WDR36: variants seen among roughly 807,000 people sequenced by gnomAD.
WDR36 encodes the protein WD repeat domain 36.
In WDR36, 63 loss-of-function variants were observed where a neutral mutation model predicts 112.7. The observed-to-expected ratio is 0.56, with a 90% confidence interval of 0.46 to 0.69. The LOEUF is 0.69. Among genes scored for constraint, WDR36 ranks in the 30% least tolerant of loss-of-function variants. The pLI is 0.00. For missense variants in WDR36, 1,226 were observed against 1,070.3 expected (o/e 1.15, Z -2.03); for synonymous variants, 410 against 362.2 (o/e 1.13, Z -1.50).
intron 3 of WDR36, among the ~76,000 whole-genome samples, chr5:111,098,333 A>G (rs191224565): frequency 6.6e-6 from 1 of 152,296 alleles, no homozygotes; most frequent in African/African-American, 2.4e-5. Context: ...TCTGAAAGCC[A>G]GTTGGTGATG....
At chr5:111,103,663 C>G in intron 6 of WDR36, 123 bp from the exon 7 acceptor site, 1 of 1,259,830 alleles carries the variant, frequency 7.9e-7, no homozygotes, top group African/African-American at 1.5e-5. Flanking sequence ...CTGAGTTTTT[C>G]TGCCATCTTT....
At chr5:111,096,886 C>T (rs1580389784) in intron 2 of WDR36, 193 bp from the exon 3 acceptor site, 1 of 481,352 alleles carries the variant, frequency 2.1e-6, no homozygotes. Context: ...AGGTGATTTC[C>T]TATCCTTAGT....
At position 111,097,097 on chromosome 5, in the gene WDR36, A is replaced by T; in HGVS notation, c.209A>T (p.Asp70Val). The T allele has an allele frequency of 6.2e-7, 1 of 1,613,274 alleles. No homozygotes were observed. The highest frequency in any genetic ancestry group is 8.5e-7 in the Non-Finnish European group (1 of 1,179,358). Residue 70 changes from aspartate (D) to valine (V), a missense_variant, in exon 3 of 23, where the codon GAT becomes GTT. Transcript: ENST00000513710. Reference protein sequence around the residue: ...LVAVSNSVPQDICCMAADGRL... With the variant: ...LVAVSNSVPQVICCMAADGRL... ...CTGCTAGGTAATTCTGTTCCACAGG[A>T]TATCTGCTGTATGGCAGCTGATGGC... is the stretch of plus-strand genomic sequence containing the variant.
intron 3 of WDR36, among the ~76,000 whole-genome samples, chr5:111,097,556 T>C (rs1382783640): frequency 6.6e-6 from 1 of 152,248 alleles, no homozygotes; most frequent in Non-Finnish European, 1.5e-5. Flanking sequence ...ACCACCACTT[T>C]ATGTGGATTG....
At chr5:111,123,736 T>G in intron 19 of WDR36, 69 bp from the exon 20 acceptor site, 1 of 1,580,504 alleles carries the variant, frequency 6.3e-7, no homozygotes, top group South Asian at 1.1e-5. Flanking sequence ...TAAAATTGAT[T>G]TGAAATTAAA....
chr5:111,124,774 A>C (rs1305594431), intron 21 of WDR36, among the ~76,000 whole-genome samples: 4 of 152,170 alleles, frequency 2.6e-5, no homozygotes, highest in Non-Finnish European at 4.4e-5. Context: ...TTTTGATTCA[A>C]ATGCTTTTGT....
Position 111,123,942 on chromosome 5 carries a change from A to G in WDR36, c.2268+18A>G. On this transcript the variant is annotated intron_variant, in intron 20 of 22. Transcript: ENST00000513710. ...CCCAGCAGGTAAAAAACAAATTAGAAGATTCTAAGTATATCGGTGTATGTT... is the reference window on the plus strand; with the variant it reads ...CCCAGCAGGTAAAAAACAAATTAGAGGATTCTAAGTATATCGGTGTATGTT... 1.9e-6 allele frequency: 3 copies of G among 1,613,286 alleles called. No homozygotes were observed. Among genetic ancestry groups the G allele is most frequent in the South Asian group, 1.1e-5 (1 of 91,076 alleles).
chr5:111,111,786 T>C (rs796569106), intron 15 of WDR36, among the ~76,000 whole-genome samples: 9 of 151,974 alleles, frequency 5.9e-5, no homozygotes, highest in African/African-American at 2.2e-4. Context: ...ATATATGATA[T>C]GGAAAGAAGT....
intron 2 of WDR36, 86 bp from the exon 3 acceptor site, chr5:111,096,993 G>A: frequency 1.2e-6 from 1 of 855,772 alleles, no homozygotes; most frequent in South Asian, 1.5e-5. Flanking sequence ...TTAAATTATA[G>A]CCATGAAAAA....
chr5:111,108,981 C>A (rs1753272401), intron 12 of WDR36, among the ~76,000 whole-genome samples: 1 of 151,266 alleles, frequency 6.6e-6, no homozygotes, highest in Non-Finnish European at 1.5e-5. Flanking sequence ...GTATAGAGAG[C>A]CTGTGCACTA....
chr5:111,095,150 A>T, intron 2 of WDR36: 1 of 559,966 alleles, frequency 1.8e-6, no homozygotes, highest in South Asian at 2.1e-5. Context: ...TTTAATCTGG[A>T]ACTGTTCTTT....
At chr5:111,125,260 C>T (rs11241100) in intron 21 of WDR36, among the ~76,000 whole-genome samples, 39,319 of 151,998 alleles carry the variant, frequency 0.26, 6,042 homozygotes, top group Middle Eastern at 0.42. Context: ...TTGTATGTAT[C>T]GTTATAGGCT....
intron 2 of WDR36, among the ~76,000 whole-genome samples, chr5:111,096,242 C>T (rs1010308687): frequency 1.2e-4 from 18 of 152,120 alleles, no homozygotes; most frequent in African/African-American, 3.9e-4. Flanking sequence ...GCATATTTCC[C>T]TTGGAGAAGA....
At position 111,104,699 on chromosome 5, in the gene WDR36, A is replaced by G. The variant is rs1243394082; in HGVS notation, c.909A>G (p.Ile303Met). Residue 303 changes from isoleucine to methionine, a missense_variant and splice_region_variant, in exon 9 of 23, where the codon ATA becomes ATG. Coordinates refer to ENST00000513710, the MANE Select transcript of WDR36 (RefSeq NM_139281.3). ...VTNGADNALRIWIFDGPTGEG... is the reference protein window; with the variant it reads ...VTNGADNALRMWIFDGPTGEG... ...CTGACGTTTTTATTTCTTGGCAGAT[A>G]TGGATATTTGATGGTCCTACAGGTG... 3 of 1,611,030 alleles carry G rather than the reference A, an allele frequency of 1.9e-6. No homozygotes were observed. The highest frequency in any genetic ancestry group is 1.7e-5 in the Admixed American group (1 of 59,802).
At chr5:111,125,382 G>GA (rs891139860) in intron 21 of WDR36, among the ~76,000 whole-genome samples, 165 of 151,794 alleles carry the variant, frequency 1.1e-3, no homozygotes, top group African/African-American at 3.5e-3. Context: ...TTAAATTACA[G>GA]AAAAAAAATG....
chr5:111,104,044 A>G, intron 7 of WDR36, 126 bp downstream of exon 7: 1 of 1,411,730 alleles, frequency 7.1e-7, no homozygotes. Context: ...AGTAAAAGGC[A>G]AAGAAATATG....
At chr5:111,112,187 G>C (rs911012338) in intron 15 of WDR36, among the ~76,000 whole-genome samples, 38 of 151,940 alleles carry the variant, frequency 2.5e-4, no homozygotes, top group Admixed American at 2.6e-4. Context: ...TCAGTGTCAA[G>C]TTGCTCTTCC....
At position 111,130,434 on chromosome 5, in the gene WDR36, T is replaced by A. The variant is rs1753767567; in HGVS notation, c.*3551T>A. ...TGAATGTCTTCATTAAATCATCTTT[T>A]GTGGGAGAGCTTTTGGTTTCATAGA... On this transcript the variant is annotated 3_prime_UTR_variant, in exon 23 of 23. Transcript: ENST00000513710. 5.6e-6 allele frequency: 1 copy of A among 178,960 alleles called. No homozygotes were observed. The highest frequency in any genetic ancestry group is 1.2e-5 in the Non-Finnish European group (1 of 83,228). 11.1% of individuals were successfully genotyped at this position (178,960 alleles called of 1,614,324 possible). A position where few individuals can be genotyped will look rare whatever the true frequency, so the allele number is the denominator to read the frequency against.
intron 5 of WDR36, 116 bp from the exon 6 acceptor site, chr5:111,102,229 A>G (rs1457078007): frequency 1.3e-6 from 1 of 770,640 alleles, no homozygotes; most frequent in African/African-American, 1.8e-5. Context: ...TAGTGTGTGG[A>G]AGAGTAAGAA....
Sources: gnomAD v4.1 joint callset for allele counts (sites outside exome capture counted in the v4.1 genomes callset) on GRCh38, gnomAD v4.1.1 for gene constraint, MANE v1.5 for transcripts, NCBI Gene and HGNC (gene_info 2026-07-23, HGNC 2026-07-21) for gene names.